MTUS2: variants seen among roughly 807,000 people sequenced by gnomAD.
The protein encoded by MTUS2 is microtubule associated scaffold protein 2.
Under a neutral mutation model 114.1 loss-of-function variants are expected in MTUS2, and 40 were observed. The ratio of observed to expected loss-of-function variants is 0.35; its 90% confidence interval spans 0.27 to 0.46. The LOEUF is 0.46. Among genes scored for constraint, MTUS2 ranks in the 20% least tolerant of loss-of-function variants. The pLI is 1.00. For synonymous variants in MTUS2, 688 were observed against 672.0 expected, an observed-to-expected ratio of 1.02 and a Z score of -0.37; for missense variants, 1,679 against 1,705.4, an observed-to-expected ratio of 0.98 and a Z score of 0.27.
chr13:29,055,668 G>A (rs899118618), intron 4 of MTUS2, among the ~76,000 whole-genome samples: 1 of 151,952 alleles, frequency 6.6e-6, no homozygotes, highest in Non-Finnish European at 1.5e-5. Flanking sequence ...TTTTATGGCT[G>A]TGTAGTATTC....
intron 5 of MTUS2, among the ~76,000 whole-genome samples, chr13:29,229,440 C>T (rs1439083250): frequency 1.3e-5 from 2 of 152,124 alleles, no homozygotes; most frequent in African/African-American, 4.8e-5. Flanking sequence ...ATTCCTTTCC[C>T]ATTGACATTT....
intron 2 of MTUS2, among the ~76,000 whole-genome samples, chr13:28,973,628 A>G (rs1236251905): frequency 6.6e-6 from 1 of 152,206 alleles, no homozygotes; most frequent in Non-Finnish European, 1.5e-5. Flanking sequence ...TCTAACTGTA[A>G]TCATAGTTTG....
chr13:29,476,001 A>C (rs753928132), intron 9 of MTUS2, among the ~76,000 whole-genome samples: 1 of 152,206 alleles, frequency 6.6e-6, no homozygotes, highest in African/African-American at 2.4e-5. Context: ...TGCAGGCTTC[A>C]TTCATGGTAA....
At chr13:28,870,409 T>C in intron 2 of MTUS2, among the ~76,000 whole-genome samples, 1 of 152,098 alleles carries the variant, frequency 6.6e-6, no homozygotes, top group Non-Finnish European at 1.5e-5. Flanking sequence ...TGACAGAGTA[T>C]GGGAGGGGGA....
rs529310856 is a variant in MTUS2, at chr13:29,345,131, T to G, written c.2906-14131T>G. On this transcript the variant is annotated intron_variant, in intron 7 of 15. Coordinates refer to ENST00000612955, the MANE Select transcript of MTUS2 (RefSeq NM_001033602.4). Reference sequence around the variant, plus strand: ...CACCTTAGATAACCTGATGACTAGGTGCCTAGGCAATGATCTTTTGCGATA... The same window carrying G: ...CACCTTAGATAACCTGATGACTAGGGGCCTAGGCAATGATCTTTTGCGATA... Among the ~76,000 whole-genome samples the G allele has an allele frequency of 1.5e-4, 23 of 152,288 alleles. 2 individuals are homozygous for G. In the East Asian group the frequency reaches 4.5e-3, roughly 30 times the overall value.
intron 4 of MTUS2, among the ~76,000 whole-genome samples, chr13:29,075,719 T>A (rs535982438): frequency 1.3e-4 from 19 of 151,062 alleles, no homozygotes; most frequent in African/African-American, 4.5e-4. Flanking sequence ...TGCCTTAGAT[T>A]TTTCTGGTCT....
chr13:29,225,792 A>G (rs1896084599), intron 5 of MTUS2, among the ~76,000 whole-genome samples: 1 of 152,154 alleles, frequency 6.6e-6, no homozygotes, highest in Non-Finnish European at 1.5e-5. Context: ...TAGAATATCT[A>G]GTGTGTGTTT....
intron 5 of MTUS2, among the ~76,000 whole-genome samples, chr13:29,260,937 T>C (rs1273474488): frequency 5.9e-5 from 9 of 152,188 alleles, no homozygotes; most frequent in Admixed American, 5.9e-4. Context: ...GCAGCACTCC[T>C]GCCCCCAGTA....
intron 8 of MTUS2, among the ~76,000 whole-genome samples, chr13:29,429,460 A>G (rs1306750852): frequency 1.3e-5 from 2 of 152,254 alleles, no homozygotes; most frequent in Admixed American, 1.3e-4. Context: ...TTAAAAAGCC[A>G]GAGAGAGTCT....
chr13:29,345,605 T>C (rs1421964193), intron 7 of MTUS2, among the ~76,000 whole-genome samples: 1 of 152,108 alleles, frequency 6.6e-6, no homozygotes, highest in African/African-American at 2.4e-5. Context: ...CTTTCTCTGG[T>C]GCCTCCATGT....
chr13:29,153,658 G>C (rs551310424), intron 5 of MTUS2, among the ~76,000 whole-genome samples: 63 of 152,220 alleles, frequency 4.1e-4, no homozygotes, highest in Middle Eastern at 3.4e-3. Flanking sequence ...CCCATCTCCA[G>C]TTCTCCCCTT....
Position 29,024,573 on chromosome 13 carries a change from C to A in MTUS2, c.-126C>A, listed in dbSNP as rs1886423495. 2 of 1,158,940 alleles carry A rather than the reference C, an allele frequency of 1.7e-6. No individual in the cohort carries two copies. Among genetic ancestry groups the A allele is most frequent in the Non-Finnish European group, 2.5e-6 (2 of 810,964 alleles). The allele number at this position is 1,158,940 out of a possible 1,614,324, so 71.8% of individuals were successfully genotyped here. On this transcript the variant is annotated 5_prime_UTR_variant, in exon 3 of 16. Coordinates refer to ENST00000612955, the MANE Select transcript of MTUS2 (RefSeq NM_001033602.4). ...TCTGAGAATGATTAAAGCAGTGTCG[C>A]AAGGTGACATTGTCAGGGGAGAACA...
chr13:28,867,807 G>GGCAAA (rs1877391005), intron 2 of MTUS2, among the ~76,000 whole-genome samples: 2 of 152,144 alleles, frequency 1.3e-5, no homozygotes, highest in South Asian at 4.1e-4. Flanking sequence ...GCTGACTGTT[G>GGCAAA]CAGCTCCTGT....
intron 5 of MTUS2, among the ~76,000 whole-genome samples, chr13:29,169,565 G>T (rs1343791117): frequency 2.0e-5 from 3 of 152,046 alleles, no homozygotes; most frequent in Non-Finnish European, 4.4e-5. Context: ...CTGGGGCTGG[G>T]TAAACATTTC....
At chr13:29,322,896 G>T (rs566231596) in intron 6 of MTUS2, among the ~76,000 whole-genome samples, 2 of 152,274 alleles carry the variant, frequency 1.3e-5, no homozygotes, top group East Asian at 3.9e-4. Flanking sequence ...ATCTGATATG[G>T]TGGCACATAT....
intron 6 of MTUS2, among the ~76,000 whole-genome samples, chr13:29,308,850 A>G (rs953267623): frequency 6.6e-6 from 1 of 152,130 alleles, no homozygotes; most frequent in Non-Finnish European, 1.5e-5. Flanking sequence ...ATGAGATACC[A>G]TCTTATGGCA....
intron 5 of MTUS2, among the ~76,000 whole-genome samples, chr13:29,195,539 G>GAAAAAAAAAAAA (rs59726006): frequency 1.5e-4 from 12 of 78,528 alleles, no homozygotes; most frequent in East Asian, 4.4e-4. Context: ...ACTTAATTCT[G>GAAAAAAAAAAAA]AAAAAAAAAA....
intron 5 of MTUS2, among the ~76,000 whole-genome samples, chr13:29,247,886 A>G (rs949072590): frequency 1.3e-5 from 2 of 152,228 alleles, no homozygotes; most frequent in African/African-American, 2.4e-5. Context: ...TGATCTAGCA[A>G]TCCCATTACT....
chr13:28,912,175 T>G (rs1880479969), intron 2 of MTUS2, among the ~76,000 whole-genome samples: 1 of 152,146 alleles, frequency 6.6e-6, no homozygotes, highest in Non-Finnish European at 1.5e-5. Flanking sequence ...CCATCTTGAG[T>G]TAATTTTTGT....
Sources: allele counts gnomAD v4.1 joint callset (sites outside exome capture counted in the v4.1 genomes callset), GRCh38; gene constraint gnomAD v4.1.1; transcripts MANE v1.5; gene names NCBI Gene and HGNC (gene_info 2026-07-23, HGNC 2026-07-21).